CSMD1: variants seen among roughly 807,000 people sequenced by gnomAD.
CSMD1 encodes CUB and sushi domain-containing protein 1.
In CSMD1, 213 loss-of-function variants were observed where a neutral mutation model predicts 417.5. The ratio of observed to expected loss-of-function variants is 0.51; its 90% CI spans 0.46 to 0.57. The LOEUF is 0.57. Among genes scored for constraint, CSMD1 ranks in the 20% least tolerant of loss-of-function variants. The pLI, the probability that CSMD1 is intolerant of heterozygous loss-of-function variation, is 0.00. For synonymous variants in CSMD1, 2,862 were observed against 1,736.8 expected (o/e 1.65, Z -16.11); for missense variants, 6,923 against 4,529.7 (o/e 1.53, Z -15.17).
intron 3 of CSMD1, among the ~76,000 whole-genome samples, chr8:4,088,279 T>C (rs58193211): frequency 7.2e-5 from 11 of 152,138 alleles, no homozygotes; most frequent in East Asian, 1.9e-4. Context: ...CACTTCTCAA[T>C]TGCATGGCCA....
At chr8:4,160,149 T>G (rs1797066251) in intron 3 of CSMD1, among the ~76,000 whole-genome samples, 1 of 152,160 alleles carries the variant, frequency 6.6e-6, no homozygotes, top group Admixed American at 6.5e-5. Context: ...AGTATTAACT[T>G]TGAAAATTAT....
At chr8:4,898,177 C>A (rs1367156226) in intron 1 of CSMD1, among the ~76,000 whole-genome samples, 1 of 151,920 alleles carries the variant, frequency 6.6e-6, no homozygotes, top group East Asian at 1.9e-4. Context: ...GGAGGAATGC[C>A]CAGCGTGCAT....
intron 2 of CSMD1, among the ~76,000 whole-genome samples, chr8:4,480,504 A>G (rs1462337935): frequency 6.6e-6 from 1 of 152,232 alleles, no homozygotes; most frequent in Non-Finnish European, 1.5e-5. Flanking sequence ...ACAACCAGAT[A>G]CTTGGTGGAC....
intron 1 of CSMD1, among the ~76,000 whole-genome samples, chr8:4,846,605 G>A (rs1444438112): frequency 6.6e-6 from 1 of 152,176 alleles, no homozygotes; most frequent in Non-Finnish European, 1.5e-5. Flanking sequence ...CTCAGCCTTG[G>A]TGACTACTCC....
chr8:3,463,580 G>A (rs1332960148), intron 12 of CSMD1, among the ~76,000 whole-genome samples: 2 of 152,200 alleles, frequency 1.3e-5, no homozygotes, highest in African/African-American at 4.8e-5. Flanking sequence ...ATGCTCACAA[G>A]GACAGGGGCA....
chr8:4,704,691 G>A (rs1282479325), intron 1 of CSMD1, among the ~76,000 whole-genome samples: 2 of 152,098 alleles, frequency 1.3e-5, no homozygotes, highest in Non-Finnish European at 2.9e-5. Flanking sequence ...AAAGTATTTT[G>A]TTTGTTTGCT....
intron 5 of CSMD1, among the ~76,000 whole-genome samples, chr8:3,938,298 A>C (rs1358037067): frequency 6.6e-6 from 1 of 152,176 alleles, no homozygotes; most frequent in African/African-American, 2.4e-5. Flanking sequence ...TGCATGCTGG[A>C]GTTCCTTAAA....
chr8:4,124,248 C>A (rs1028521242), intron 3 of CSMD1, among the ~76,000 whole-genome samples: 1 of 152,038 alleles, frequency 6.6e-6, no homozygotes, highest in African/African-American at 2.4e-5. Flanking sequence ...GGCCTGAGGT[C>A]ATTAACAGTA....
chr8:3,129,157 G>C (rs926475962), intron 41 of CSMD1, among the ~76,000 whole-genome samples: 2 of 152,180 alleles, frequency 1.3e-5, no homozygotes, highest in African/African-American at 4.8e-5. Context: ...TCTCTCCTAC[G>C]TGGGAATGCA....
chr8:3,741,527 G>A (rs1307173624), intron 6 of CSMD1, among the ~76,000 whole-genome samples: 1 of 152,158 alleles, frequency 6.6e-6, no homozygotes, highest in Admixed American at 6.5e-5. Context: ...ACAGTTTTTA[G>A]TAGGCACATT....
intron 2 of CSMD1, among the ~76,000 whole-genome samples, chr8:4,588,235 C>T (rs967202092): frequency 3.3e-5 from 5 of 151,958 alleles, no homozygotes; most frequent in Non-Finnish European, 7.4e-5. Context: ...TTGATTACAA[C>T]TCAATGGCCG....
chr8:3,280,432 T>A (rs1304117622), intron 26 of CSMD1, among the ~76,000 whole-genome samples: 2 of 152,234 alleles, frequency 1.3e-5, no homozygotes, highest in Non-Finnish European at 2.9e-5. Flanking sequence ...TGTACCACTC[T>A]AAGTTTTTAT....
intron 50 of CSMD1, among the ~76,000 whole-genome samples, chr8:3,032,970 A>G (rs1003070935): frequency 2.0e-5 from 3 of 152,102 alleles, no homozygotes; most frequent in Admixed American, 6.6e-5. Context: ...TAAATAAAAT[A>G]CCACTTTTAC....
At chr8:3,898,207 G>A (rs541431875) in intron 5 of CSMD1, among the ~76,000 whole-genome samples, 13 of 152,020 alleles carry the variant, frequency 8.6e-5, no homozygotes, top group African/African-American at 1.2e-4. Flanking sequence ...TATGAGTATG[G>A]AAAATTCCCC....
At chr8:4,683,221 T>A (rs1487969037) in intron 1 of CSMD1, among the ~76,000 whole-genome samples, 1 of 152,070 alleles carries the variant, frequency 6.6e-6, no homozygotes, top group East Asian at 1.9e-4. Flanking sequence ...AGTATTACCA[T>A]GAAGAGTCTA....
At chr8:4,043,432 G>A (rs936577179) in intron 3 of CSMD1, among the ~76,000 whole-genome samples, 12 of 152,164 alleles carry the variant, frequency 7.9e-5, no homozygotes, top group African/African-American at 2.9e-4. Context: ...ACACCTGCAA[G>A]GTGCACATCA....
At chr8:3,291,977 T>C (rs1352629153) in intron 25 of CSMD1, among the ~76,000 whole-genome samples, 4 of 152,028 alleles carry the variant, frequency 2.6e-5, no homozygotes, top group Non-Finnish European at 4.4e-5. Flanking sequence ...GCTATAAATT[T>C]TCCTCTACAC....
chr8:3,446,273 G>T (rs1815302316), intron 12 of CSMD1, among the ~76,000 whole-genome samples: 1 of 152,202 alleles, frequency 6.6e-6, no homozygotes, highest in Non-Finnish European at 1.5e-5. Context: ...AACGTGTGCT[G>T]CATGGGCTAT....
intron 2 of CSMD1, among the ~76,000 whole-genome samples, chr8:4,439,402 CGTTT>C (rs1798333388): frequency 6.6e-6 from 1 of 152,002 alleles, no homozygotes; most frequent in Non-Finnish European, 1.5e-5. Flanking sequence ...ATTTCACGTA[CGTTT>C]ATTACTTAAT....
Sources: gnomAD v4.1 joint callset for allele counts (sites outside exome capture counted in the v4.1 genomes callset) on GRCh38, gnomAD v4.1.1 for gene constraint, MANE v1.5 for transcripts, NCBI Gene and HGNC (gene_info 2026-07-23, HGNC 2026-07-21) for gene names.